Variants in STX17 observed in about 807,000 individuals in gnomAD.
The protein encoded by STX17 is syntaxin 17.
A neutral mutation model predicts 35.9 loss-of-function variants in STX17; 29 were observed. The ratio of observed to expected loss-of-function variants is 0.81; its 90% CI spans 0.60 to 1.10. The LOEUF is 1.10. STX17 is among the 50% of genes least tolerant of loss of function. The pLI is 0.00. For missense variants in STX17, 312 were observed against 352.3 expected (o/e 0.89, Z 0.92); for synonymous variants, 92 against 118.3 (o/e 0.78, Z 1.44).
chr9:99,913,938 A>G (rs1828707988), intron 1 of STX17: 1 of 151,358 alleles, frequency 6.6e-6, no homozygotes, highest in Non-Finnish European at 1.5e-5. Flanking sequence ...AATGGACTCT[A>G]TTCTCCAAAA....
chr9:99,967,547 C>G, intron 6 of STX17, 106 bp from the exon 7 acceptor site: 1 of 806,790 alleles, frequency 1.2e-6, no homozygotes, highest in East Asian at 3.3e-5. Flanking sequence ...ATTAAGATGG[C>G]AAGGCTGCAG....
intron 3 of STX17, chr9:99,929,115 AT>A (rs1237667994): frequency 4.1e-6 from 1 of 243,884 alleles, no homozygotes; most frequent in Non-Finnish European, 7.8e-6. Flanking sequence ...GGTATTACCC[AT>A]TTCTTAAATT....
intron 6 of STX17, 30 bp downstream of exon 6, chr9:99,960,185 T>G (rs1829800589): frequency 1.2e-6 from 2 of 1,600,086 alleles, no homozygotes. Context: ...GGATGCAGAA[T>G]TGTTGGATTA....
At chr9:99,930,288 G>T in intron 3 of STX17, among the ~76,000 whole-genome samples, 1 of 145,810 alleles carries the variant, frequency 6.9e-6, no homozygotes, top group East Asian at 2.1e-4. Flanking sequence ...ATTTTTTTGA[G>T]ACAGAGTCGC....
At chr9:99,946,806 A>G (rs1195822082) in intron 3 of STX17, among the ~76,000 whole-genome samples, 1 of 152,078 alleles carries the variant, frequency 6.6e-6, no homozygotes, top group Non-Finnish European at 1.5e-5. Context: ...ATTTTGTTCC[A>G]TTGTCTTTAG....
chr9:99,943,105 A>G (rs1031562431), intron 3 of STX17, among the ~76,000 whole-genome samples: 3 of 151,922 alleles, frequency 2.0e-5, no homozygotes, highest in Non-Finnish European at 4.4e-5. Context: ...AATTTATTGA[A>G]TTCCTGTATT....
intron 3 of STX17, among the ~76,000 whole-genome samples, chr9:99,929,473 T>C (rs1829064854): frequency 6.6e-6 from 1 of 151,998 alleles, no homozygotes; most frequent in Non-Finnish European, 1.5e-5. Context: ...TATAATATCC[T>C]ATATTCTCCA....
rs957941727 is a variant in STX17 at position 99,932,516 on chromosome 9, C to A, written c.189+3673C>A. Reference sequence around the variant, plus strand: ...AAGATTTGGTGTCTATTGAATGGTACTCAGCATGTTAATGATTTAATGAGA... The same window carrying A: ...AAGATTTGGTGTCTATTGAATGGTAATCAGCATGTTAATGATTTAATGAGA... On this transcript the variant is annotated intron_variant, in intron 3 of 7. Transcript: ENST00000259400. 5.9e-5 allele frequency among the ~76,000 whole-genome samples: 9 copies of A among 152,236 alleles called. No homozygotes were observed. The South Asian group carries it at 1.9e-3, about 32-fold the overall frequency.
intron 2 of STX17, among the ~76,000 whole-genome samples, chr9:99,924,200 T>C (rs966792786): frequency 1.2e-4 from 19 of 152,186 alleles, no homozygotes; most frequent in Non-Finnish European, 2.1e-4. Context: ...GAGTGTCTTA[T>C]GACCCACAAT....
At chr9:99,957,892 G>GT (rs1217782177) in intron 4 of STX17, among the ~76,000 whole-genome samples, 1 of 151,528 alleles carries the variant, frequency 6.6e-6, no homozygotes, top group African/African-American at 2.4e-5. Context: ...AGCTCAGGTG[G>GT]TTTTTTTACT....
rs1287302852 is a variant in STX17, at chr9:99,968,833, G to A, written c.*160G>A. On this transcript the variant is annotated 3_prime_UTR_variant, in exon 8 of 8. Transcript: ENST00000259400. ...GATAAATGGATATATTTTGTTGTTTGCTGGGGTGTTCATGGAGATGTTAAG... is the reference window on the plus strand; with the variant it reads ...GATAAATGGATATATTTTGTTGTTTACTGGGGTGTTCATGGAGATGTTAAG... The A allele has an allele frequency of 2.1e-5, 24 of 1,153,714 alleles. No individual in the cohort carries two copies. Among genetic ancestry groups the A allele is most frequent in the Non-Finnish European group, 2.9e-5 (24 of 837,000 alleles). The allele number at this position is 1,153,714 out of a possible 1,614,324, so 71.5% of individuals were successfully genotyped here. A position where few individuals can be genotyped will look rare whatever the true frequency, so the allele number is the denominator to read the frequency against.
intron 2 of STX17, among the ~76,000 whole-genome samples, chr9:99,922,977 C>T (rs1828916917): frequency 6.6e-6 from 1 of 152,178 alleles, no homozygotes; most frequent in South Asian, 2.1e-4. Context: ...CCTGGTGGAA[C>T]TTTTCAAGTG....
intron 3 of STX17, among the ~76,000 whole-genome samples, chr9:99,935,329 CAAAAA>C (rs35032937): frequency 5.9e-5 from 6 of 101,192 alleles, no homozygotes; most frequent in African/African-American, 3.8e-5. Flanking sequence ...CACTCCATCT[CAAAAA>C]AAAAAAAAAA....
chr9:99,926,109 A>T (rs921809733), intron 2 of STX17, among the ~76,000 whole-genome samples: 3 of 151,754 alleles, frequency 2.0e-5, no homozygotes, highest in Non-Finnish European at 2.9e-5. Flanking sequence ...TCTGCTATTA[A>T]TCCCATCTAG....
chr9:99,931,333 T>C (rs1829117606), intron 3 of STX17, among the ~76,000 whole-genome samples: 1 of 152,140 alleles, frequency 6.6e-6, no homozygotes, highest in African/African-American at 2.4e-5. Context: ...TTTCCCTCTT[T>C]GGGAGCTTTT....
intron 3 of STX17, among the ~76,000 whole-genome samples, chr9:99,949,494 A>G (rs1219336173): frequency 6.6e-6 from 1 of 152,020 alleles, no homozygotes; most frequent in Non-Finnish European, 1.5e-5. Context: ...CCCTATCGGA[A>G]TATCTGGGTT....
intron 6 of STX17, among the ~76,000 whole-genome samples, chr9:99,961,649 A>T (rs1351624872): frequency 3.9e-5 from 6 of 151,974 alleles, no homozygotes; most frequent in Non-Finnish European, 7.4e-5. Flanking sequence ...AGTTCTGTCT[A>T]GGTTTAGTTC....
chr9:99,961,445 T>C (rs374688001), intron 6 of STX17, among the ~76,000 whole-genome samples: 12 of 152,196 alleles, frequency 7.9e-5, no homozygotes, highest in African/African-American at 2.9e-4. Context: ...TTCTGCATAA[T>C]TGGGTGTCAG....
intron 3 of STX17, among the ~76,000 whole-genome samples, chr9:99,942,680 G>A (rs1323789239): frequency 6.6e-6 from 1 of 152,068 alleles, no homozygotes; most frequent in Non-Finnish European, 1.5e-5. Context: ...TCACATTTAA[G>A]TCTACAGTCC....
Sources: allele counts gnomAD v4.1 joint callset (sites outside exome capture counted in the v4.1 genomes callset), GRCh38; gene constraint gnomAD v4.1.1; transcripts MANE v1.5; gene names NCBI Gene and HGNC (gene_info 2026-07-23, HGNC 2026-07-21).